Variants in CSMD1 observed in about 807,000 individuals in gnomAD.
The protein encoded by CSMD1 is CUB and Sushi multiple domains 1.
Under a neutral mutation model 417.5 loss-of-function variants are expected in CSMD1, and 213 were observed. The ratio of observed to expected loss-of-function variants is 0.51; its 90% CI spans 0.46 to 0.57. The LOEUF is 0.57. CSMD1 is among the 20% of genes least tolerant of loss of function. The pLI is 0.00. For missense variants in CSMD1, 6,923 were observed against 4,529.7 expected (o/e 1.53, Z -15.17); for synonymous variants, 2,862 against 1,736.8 (o/e 1.65, Z -16.11).
intron 10 of CSMD1, among the ~76,000 whole-genome samples, chr8:3,518,251 G>T (rs7846634): frequency 0.022 from 3,413 of 152,082 alleles, 126 homozygotes; most frequent in African/African-American, 0.078. Context: ...TCATAAATAT[G>T]TTTCTTCAAA....
At chr8:4,633,677 C>T (rs1488787572) in intron 2 of CSMD1, among the ~76,000 whole-genome samples, 2 of 152,196 alleles carry the variant, frequency 1.3e-5, no homozygotes, top group African/African-American at 4.8e-5. Context: ...CTGCCTCAGC[C>T]TCCCGAGTAG....
At chr8:4,450,506 G>A (rs904484741) in intron 2 of CSMD1, among the ~76,000 whole-genome samples, 17 of 152,072 alleles carry the variant, frequency 1.1e-4, no homozygotes, top group Middle Eastern at 3.4e-3. Context: ...GTGGTGGTGC[G>A]GGCCTGTAGT....
chr8:4,788,978 C>T (rs1038950611), intron 1 of CSMD1, among the ~76,000 whole-genome samples: 2 of 152,128 alleles, frequency 1.3e-5, no homozygotes, highest in Non-Finnish European at 2.9e-5. Context: ...TCAGACAGCA[C>T]TTAAATTCAT....
intron 5 of CSMD1, among the ~76,000 whole-genome samples, chr8:3,796,747 T>C (rs1402594400): frequency 1.3e-5 from 2 of 151,214 alleles, no homozygotes; most frequent in Non-Finnish European, 3.0e-5. Context: ...TATAGGTGGT[T>C]GCAATTATAC....
chr8:3,317,149 G>T (rs200489723), intron 23 of CSMD1, among the ~76,000 whole-genome samples: 2 of 152,002 alleles, frequency 1.3e-5, no homozygotes, highest in Non-Finnish European at 2.9e-5. Context: ...GGAGGAAGAG[G>T]AGAATCATCA....
At chr8:3,816,787 T>C (rs910009640) in intron 5 of CSMD1, among the ~76,000 whole-genome samples, 2 of 152,154 alleles carry the variant, frequency 1.3e-5, no homozygotes, top group African/African-American at 4.8e-5. Context: ...TTTTAAAATA[T>C]GGTATACTGT....
intron 1 of CSMD1, among the ~76,000 whole-genome samples, chr8:4,940,253 G>C (rs933059641): frequency 6.6e-6 from 1 of 152,166 alleles, no homozygotes; most frequent in Admixed American, 6.5e-5. Context: ...CAGAAATAGT[G>C]TGAGCAGTTA....
At chr8:3,847,874 A>G (rs1803616768) in intron 5 of CSMD1, among the ~76,000 whole-genome samples, 1 of 152,186 alleles carries the variant, frequency 6.6e-6, no homozygotes, top group Non-Finnish European at 1.5e-5. Flanking sequence ...CCCTATAGCT[A>G]GTCTGACTTT....
chr8:3,988,198 G>C (rs544442944), intron 5 of CSMD1, among the ~76,000 whole-genome samples: 4 of 152,096 alleles, frequency 2.6e-5, no homozygotes, highest in East Asian at 1.9e-4. Flanking sequence ...TAAGACCCTG[G>C]TGAGTCTGTG....
intron 5 of CSMD1, among the ~76,000 whole-genome samples, chr8:3,904,676 A>C (rs1807990509): frequency 1.5e-5 from 2 of 132,676 alleles, no homozygotes; most frequent in South Asian, 2.3e-4. Flanking sequence ...TTACTCTGTC[A>C]CCCCGGTTGG....
intron 3 of CSMD1, among the ~76,000 whole-genome samples, chr8:4,229,088 C>G (rs897300108): frequency 6.6e-6 from 1 of 152,220 alleles, no homozygotes; most frequent in Non-Finnish European, 1.5e-5. Flanking sequence ...ATTCCTGATG[C>G]ACTCCCAAGT....
rs570057752 is a variant in CSMD1, at chr8:4,290,323, T to C, written c.415+129630A>G. Among the ~76,000 whole-genome samples the C allele has an allele frequency of 5.9e-5, 9 of 152,232 alleles. No homozygotes were observed. The South Asian group carries it at 1.9e-3, about 32-fold the overall frequency. ...GATGTGAAATTTCAGATGGTCGTGTTTGAATTTCTACACAGTAATGCTCTA... is the reference window on the plus strand; with the variant it reads ...GATGTGAAATTTCAGATGGTCGTGTCTGAATTTCTACACAGTAATGCTCTA... On this transcript the variant is annotated intron_variant, in intron 3 of 69. Coordinates refer to ENST00000635120, the MANE Select transcript of CSMD1 (RefSeq NM_033225.6).
At chr8:3,961,068 T>A (rs528244782) in intron 5 of CSMD1, among the ~76,000 whole-genome samples, 2 of 152,078 alleles carry the variant, frequency 1.3e-5, no homozygotes, top group African/African-American at 4.8e-5. Context: ...CAAACAAAAT[T>A]GAACATGAAC....
At chr8:4,062,635 T>A (rs1237013564) in intron 3 of CSMD1, among the ~76,000 whole-genome samples, 2 of 152,092 alleles carry the variant, frequency 1.3e-5, no homozygotes, top group African/African-American at 2.4e-5. Flanking sequence ...ACTTATTAGA[T>A]TTCAATTCAG....
chr8:3,630,964 A>G (rs914856706), intron 7 of CSMD1, among the ~76,000 whole-genome samples: 3 of 152,160 alleles, frequency 2.0e-5, no homozygotes, highest in Non-Finnish European at 4.4e-5. Context: ...GAGACTGAAA[A>G]GCATGGGAAT....
chr8:3,323,909 T>C (rs371271721), intron 23 of CSMD1, among the ~76,000 whole-genome samples: 7 of 127,364 alleles, frequency 5.5e-5, no homozygotes, highest in East Asian at 3.5e-4. Context: ...CCTTTCATCA[T>C]TGTTAAAATA....
chr8:3,807,715 T>A (rs1470730027), intron 5 of CSMD1, among the ~76,000 whole-genome samples: 2 of 152,168 alleles, frequency 1.3e-5, no homozygotes, highest in Non-Finnish European at 1.5e-5. Context: ...CTATAAGGGA[T>A]CCTAATGTCT....
chr8:3,822,576 G>C (rs1273046962), intron 5 of CSMD1, among the ~76,000 whole-genome samples: 2 of 152,102 alleles, frequency 1.3e-5, no homozygotes, highest in Non-Finnish European at 2.9e-5. Flanking sequence ...TCACTTCATG[G>C]GTTTATTGGT....
chr8:3,458,943 T>A (rs2117141895), intron 12 of CSMD1, among the ~76,000 whole-genome samples: 1 of 152,284 alleles, frequency 6.6e-6, no homozygotes, highest in South Asian at 2.1e-4. Flanking sequence ...GGAATTTCCA[T>A]CCCAGTGAGC....
Sources: gnomAD v4.1 joint callset for allele counts (sites outside exome capture counted in the v4.1 genomes callset) on GRCh38, gnomAD v4.1.1 for gene constraint, MANE v1.5 for transcripts, NCBI Gene and HGNC (gene_info 2026-07-23, HGNC 2026-07-21) for gene names.